MACF1: variants seen among roughly 807,000 people sequenced by gnomAD.
MACF1 encodes microtubule actin crosslinking factor 1, also known as microtubule-actin cross-linking factor 1.
A neutral mutation model predicts 854.8 loss-of-function variants in MACF1; 193 were observed. That is an observed-to-expected ratio of 0.23 (90% CI 0.20 to 0.25). The LOEUF is 0.25. Ranked by LOEUF, MACF1 falls within the 10% of genes least tolerant of loss-of-function variation. The pLI is 1.00. For missense variants in MACF1, 7,722 were observed against 8,929.1 expected, an observed-to-expected ratio of 0.86 and a Z score of 5.45; for synonymous variants, 3,185 against 3,226.7, an observed-to-expected ratio of 0.99 and a Z score of 0.44.
chr1:39,307,067 G>A (rs1233029854), intron 23 of MACF1, among the ~76,000 whole-genome samples: 1 of 151,710 alleles, frequency 6.6e-6, no homozygotes, highest in Admixed American at 6.6e-5. Context: ...TAAAGACAGG[G>A]TTTCACCATG....
chr1:39,195,046 A>G (rs1378588315), intron 2 of MACF1, among the ~76,000 whole-genome samples: 2 of 152,200 alleles, frequency 1.3e-5, no homozygotes, highest in Non-Finnish European at 2.9e-5. Context: ...CTCCAAGGAA[A>G]AGCAAAACTT....
intron 2 of MACF1, among the ~76,000 whole-genome samples, chr1:39,115,102 T>G (rs958335525): frequency 2.0e-5 from 3 of 152,142 alleles, no homozygotes; most frequent in Non-Finnish European, 4.4e-5. Flanking sequence ...GTATAGAGCT[T>G]GGACTTTATC....
intron 2 of MACF1, among the ~76,000 whole-genome samples, chr1:39,247,186 C>T (rs1414965682): frequency 1.4e-5 from 2 of 147,998 alleles, no homozygotes; most frequent in Non-Finnish European, 3.0e-5. Context: ...CATTCTCCTG[C>T]CTCAGCCTCC....
chr1:39,225,707 AAATG>A (rs1432266614), intron 1 of MACF1, among the ~76,000 whole-genome samples: 1 of 152,148 alleles, frequency 6.6e-6, no homozygotes, highest in Non-Finnish European at 1.5e-5. Flanking sequence ...AAGAACATTA[AAATG>A]AATATTGCCT....
chr1:39,334,197 A>G lies in MACF1; in HGVS notation c.7609A>G (p.Arg2537Gly). 1 of 1,614,194 alleles carries G rather than the reference A, an allele frequency of 6.2e-7. No homozygotes were observed. The highest frequency in any genetic ancestry group is 8.5e-7 in the Non-Finnish European group (1 of 1,180,022). Residue 2537 changes from arginine (R) to glycine (G), a missense_variant, in exon 37 of 101, where the codon AGA becomes GGA. Around this residue, in one of 15 missense-constraint regions of MACF1, gnomAD observed 1,531 missense variants for 1,601.6 expected, o/e 0.96. Coordinates refer to ENST00000564288, the MANE Select transcript of MACF1 (RefSeq NM_001394062.1). The part of the protein sequence containing the change: ...IGEDLAEKLK[R>G]VENLNIHQIF... The stretch of plus-strand genomic sequence containing the variant: ...TGAAGATTTAGCCGAGAAACTCAAA[A>G]GAGTTGAGAACTTAAACATCCATCA...
intron 1 of MACF1, among the ~76,000 whole-genome samples, chr1:39,222,227 T>C (rs932815514): frequency 1.3e-4 from 20 of 152,172 alleles, no homozygotes; most frequent in Admixed American, 1.2e-3. Flanking sequence ...TGGGCTCAAG[T>C]GACCCTCCCA....
intron 2 of MACF1, among the ~76,000 whole-genome samples, chr1:39,157,167 A>T (rs1379170172): frequency 6.6e-6 from 1 of 152,058 alleles, no homozygotes; most frequent in Non-Finnish European, 1.5e-5. Flanking sequence ...ATGAGGTCTC[A>T]CTATATTGCC....
Position 39,334,432 on chromosome 1 carries a change from TGCATGGCATTGTAGATCCCGAGAACTGCA to T in MACF1, c.7846_7874del (p.His2616AsnfsTer12). 1 of 1,614,120 alleles carries T rather than the reference TGCATGGCATTGTAGATCCCGAGAACTGCA, an allele frequency of 6.2e-7. No homozygotes were observed. On this transcript the variant is annotated frameshift_variant, in exon 37 of 101. Transcript: ENST00000564288. LOFTEE classifies it high-confidence loss of function. ...GAAGCAGTATTGTCTCCAGGAATGA[TGCATGGCATTGTAGATCCCGAGAACTGCA>T]GAATTGTCCCCTACTCAGAATTAGT...
At chr1:39,299,103 C>A in intron 21 of MACF1, 1 of 397,070 alleles carries the variant, frequency 2.5e-6, no homozygotes, top group Non-Finnish European at 5.0e-6. Flanking sequence ...GTGGGTTAGA[C>A]AGAAATTGAC....
At chr1:39,234,715 G>A (rs558595601) in intron 2 of MACF1, among the ~76,000 whole-genome samples, 4,512 of 134,290 alleles carry the variant, frequency 0.034, 139 homozygotes, top group Non-Finnish European at 0.054. Context: ...CAGATGGGGC[G>A]GCTGCCGGGC....
chr1:39,338,788 T>C (rs888049694), intron 38 of MACF1, among the ~76,000 whole-genome samples: 2 of 152,226 alleles, frequency 1.3e-5, no homozygotes, highest in Non-Finnish European at 2.9e-5. Flanking sequence ...GAAGACCTAA[T>C]GGTACTGATA....
chr1:39,218,651 TC>T (rs1175027264), intron 1 of MACF1, among the ~76,000 whole-genome samples: 3 of 152,224 alleles, frequency 2.0e-5, no homozygotes, highest in Non-Finnish European at 4.4e-5. Flanking sequence ...GTGGCTCTCT[TC>T]TTTTGTTACC....
intron 2 of MACF1, among the ~76,000 whole-genome samples, chr1:39,086,445 C>T (rs138469518): frequency 3.1e-4 from 47 of 152,264 alleles, no homozygotes; most frequent in African/African-American, 1.1e-3. Context: ...CAGCATCAGC[C>T]AGTAACAGAA....
In MACF1 at chr1:39,484,590, T is replaced by A. The variant is rs1272148218; in HGVS notation, c.22282-11T>A. 1.3e-6 allele frequency: 2 copies of A among 1,594,756 alleles called. No homozygotes were observed. Among genetic ancestry groups the A allele is most frequent in the Non-Finnish European group, 1.7e-6 (2 of 1,169,852 alleles). Reference sequence around the variant, plus strand: ...CAAGTAAAATGTGACCTTTTTATTATTTTTTTTAAGGTTATCCCATCATCA... The same window carrying A: ...CAAGTAAAATGTGACCTTTTTATTAATTTTTTTAAGGTTATCCCATCATCA... On this transcript the variant is annotated splice_polypyrimidine_tract_variant and intron_variant, in intron 99 of 100. Coordinates refer to ENST00000564288, the MANE Select transcript of MACF1 (RefSeq NM_001394062.1).
At chr1:39,438,330 C>T (rs1644024757) in intron 71 of MACF1, among the ~76,000 whole-genome samples, 1 of 152,192 alleles carries the variant, frequency 6.6e-6, no homozygotes, top group South Asian at 2.1e-4. Context: ...ACAAGTTTAA[C>T]ACAGAACACT....
chr1:39,158,721 C>T (rs540842311), intron 2 of MACF1, among the ~76,000 whole-genome samples: 182 of 152,256 alleles, frequency 1.2e-3, no homozygotes, highest in Non-Finnish European at 1.9e-3. Flanking sequence ...AGCTCATTTG[C>T]ACAAAGGAGG....
At chr1:39,430,228 CAT>C (rs1219845933) in intron 65 of MACF1, among the ~76,000 whole-genome samples, 160 bp downstream of exon 65, 1 of 152,036 alleles carries the variant, frequency 6.6e-6, no homozygotes, top group East Asian at 1.9e-4. Context: ...ATACGTTACA[CAT>C]ATGTTATGAA....
Position 39,285,278 on chromosome 1 carries a change from T to C in MACF1, c.1260-19T>C. On this transcript the variant is annotated intron_variant, in intron 12 of 100. Coordinates refer to ENST00000564288, the MANE Select transcript of MACF1 (RefSeq NM_001394062.1). ...CTGCTGTGAACCTTGCACATGACTA[T>C]GGTTTTATCTTATTTCAGGCTGGAA... 1 of 1,614,198 alleles carries C rather than the reference T, an allele frequency of 6.2e-7. No individual in the cohort carries two copies. The highest frequency in any genetic ancestry group is 8.5e-7 in the Non-Finnish European group (1 of 1,180,030).
intron 2 of MACF1, among the ~76,000 whole-genome samples, chr1:39,145,186 AC>A (rs1238375312): frequency 6.6e-6 from 1 of 151,682 alleles, no homozygotes; most frequent in Non-Finnish European, 1.5e-5. Context: ...CTATCCTGAA[AC>A]CTTTTTATTC....
Sources: gnomAD v4.1 joint callset for allele counts (sites outside exome capture counted in the v4.1 genomes callset) on GRCh38, gnomAD v4.1.1 for gene constraint, gnomAD v4.1.1 regional missense constraint, MANE v1.5 for transcripts, NCBI Gene and HGNC (gene_info 2026-07-23, HGNC 2026-07-21) for gene names.